The following AKT3 variants were observed in gnomAD, a reference collection of about 807,000 sequenced individuals.
The protein encoded by AKT3 is RAC-gamma serine/threonine-protein kinase.
A neutral mutation model predicts 65.3 loss-of-function variants in AKT3; 15 were observed. That is an observed-to-expected ratio of 0.23 (90% CI 0.15 to 0.35). AKT3 has a LOEUF of 0.35. Ranked by LOEUF, AKT3 falls within the 10% of genes least tolerant of loss-of-function variation. AKT3 has a pLI of 1.00. For synonymous variants in AKT3, 206 were observed against 183.8 expected, an observed-to-expected ratio of 1.12 and a Z score of -0.98; for missense variants, 243 against 576.5, an observed-to-expected ratio of 0.42 and a Z score of 5.92.
At chr1:243,592,694 T>C (rs1676321137) in intron 8 of AKT3, among the ~76,000 whole-genome samples, 1 of 151,988 alleles carries the variant, frequency 6.6e-6, no homozygotes, top group South Asian at 2.1e-4. Context: ...GAACTAGAAA[T>C]TGTTCAAGAA....
chr1:243,686,602 T>C (rs572251228), intron 3 of AKT3, among the ~76,000 whole-genome samples: 3 of 130,222 alleles, frequency 2.3e-5, no homozygotes, highest in Admixed American at 8.6e-5. Context: ...ACTATTTGGA[T>C]AGCATTTTAC....
chr1:243,559,117 T>TA (rs1263170573), intron 10 of AKT3, among the ~76,000 whole-genome samples: 1 of 152,108 alleles, frequency 6.6e-6, no homozygotes, highest in African/African-American at 2.4e-5. Context: ...GGTGTGAAAA[T>TA]ACAGCACAGA....
At chr1:243,615,280 C>A (rs1678210954) in intron 6 of AKT3, 119 bp from the exon 7 acceptor site, 2 of 648,310 alleles carry the variant, frequency 3.1e-6, no homozygotes, top group South Asian at 2.7e-5. Flanking sequence ...TTTTAAAACA[C>A]AGTGGCATGC....
At chr1:243,510,468 G>A (rs2148358549) in intron 13 of AKT3, among the ~76,000 whole-genome samples, 2 of 152,348 alleles carry the variant, frequency 1.3e-5, no homozygotes, top group Admixed American at 1.3e-4. Context: ...GAGAGGGAAT[G>A]TTGTCAGACT....
chr1:243,596,455 A>G (rs1331906325), intron 8 of AKT3, among the ~76,000 whole-genome samples: 1 of 152,216 alleles, frequency 6.6e-6, no homozygotes, highest in African/African-American at 2.4e-5. Flanking sequence ...TCACAAAAGT[A>G]TATGCAATGG....
intron 3 of AKT3, among the ~76,000 whole-genome samples, chr1:243,672,243 G>T (rs1330555179): frequency 1.3e-5 from 2 of 152,202 alleles, no homozygotes; most frequent in African/African-American, 4.8e-5. Context: ...TGAAGGGAAA[G>T]AAAGTGGTAA....
At chr1:243,783,356 T>C (rs1691032567) in intron 2 of AKT3, among the ~76,000 whole-genome samples, 2 of 152,216 alleles carry the variant, frequency 1.3e-5, no homozygotes, top group Non-Finnish European at 2.9e-5. Context: ...ACCATGGGGC[T>C]TGAAGAACTT....
intron 2 of AKT3, among the ~76,000 whole-genome samples, chr1:243,838,642 A>G (rs1005719096): frequency 2.0e-5 from 3 of 152,210 alleles, no homozygotes; most frequent in African/African-American, 4.8e-5. Context: ...CAAGTTCACA[A>G]TCTTTATGTT....
At chr1:243,769,371 T>C (rs1227193979) in intron 2 of AKT3, among the ~76,000 whole-genome samples, 1 of 152,212 alleles carries the variant, frequency 6.6e-6, no homozygotes. Flanking sequence ...TTTTAAGTTT[T>C]TGAGGAACTG....
At chr1:243,568,787 G>A (rs1464704267) in intron 9 of AKT3, among the ~76,000 whole-genome samples, 3 of 152,192 alleles carry the variant, frequency 2.0e-5, no homozygotes, top group Non-Finnish European at 4.4e-5. Context: ...GATGCTTGAA[G>A]CCAGAACTCA....
intron 8 of AKT3, 83 bp downstream of exon 8, chr1:243,613,588 A>G (rs766668963): frequency 1.9e-6 from 2 of 1,062,082 alleles, no homozygotes; most frequent in African/African-American, 3.2e-5. Context: ...GAGAACTGCT[A>G]TATTGTAACT....
At chr1:243,686,630 CATAT>C (rs1553433261) in intron 3 of AKT3, among the ~76,000 whole-genome samples, 379 of 18,856 alleles carry the variant, frequency 0.02, 15 homozygotes, top group African/African-American at 0.04. Context: ...AAATTGTTTT[CATAT>C]ATATATATAT....
chr1:243,695,230 G>A (rs746963799), intron 3 of AKT3, among the ~76,000 whole-genome samples: 46 of 151,882 alleles, frequency 3.0e-4, no homozygotes, highest in Non-Finnish European at 5.7e-4. Flanking sequence ...GATTATGACA[G>A]GAAACTGATT....
At chr1:243,792,733 T>C (rs1691706098) in intron 2 of AKT3, among the ~76,000 whole-genome samples, 1 of 152,218 alleles carries the variant, frequency 6.6e-6, no homozygotes, top group Non-Finnish European at 1.5e-5. Flanking sequence ...CTTATCTCTG[T>C]AGGAAGAAAA....
Position 243,693,283 on chromosome 1 carries a change from T to TAC in AKT3, c.172+2307_172+2308insGT, listed in dbSNP as rs1684838201. On this transcript the variant is annotated intron_variant, in intron 3 of 13. Coordinates refer to ENST00000673466, the MANE Select transcript of AKT3 (RefSeq NM_005465.7). ...ATATATATATATATATATATATATA[T>TAC]ATATATATATAACATTTCCCAACAT... Among the ~76,000 whole-genome samples, 3 of 111,280 alleles carry TAC rather than the reference T, an allele frequency of 2.7e-5. No individual in the cohort carries two copies. In the South Asian group the frequency reaches 9.5e-4, roughly 35 times the overall value. 73.0% of individuals were successfully genotyped at this position (111,280 alleles called of 152,430 possible).
chr1:243,637,777 T>G, intron 5 of AKT3, 35 bp from the exon 6 acceptor site: 1 of 1,392,416 alleles, frequency 7.2e-7, no homozygotes, highest in Non-Finnish European at 9.9e-7. Context: ...TAATATGAAG[T>G]ATTTGATGCA....
chr1:243,514,681 C>T (rs971350929), intron 12 of AKT3, among the ~76,000 whole-genome samples: 17 of 152,156 alleles, frequency 1.1e-4, no homozygotes, highest in Admixed American at 9.8e-4. Flanking sequence ...ACAACTTGGG[C>T]TGGGTGTGGC....
chr1:243,585,393 C>T (rs1451642308), intron 8 of AKT3, among the ~76,000 whole-genome samples: 1 of 151,160 alleles, frequency 6.6e-6, no homozygotes, highest in African/African-American at 2.4e-5. Flanking sequence ...AAAAAAACTA[C>T]AAAATTAACA....
intron 7 of AKT3, 59 bp downstream of exon 7, chr1:243,615,037 C>T: frequency 8.1e-7 from 1 of 1,234,310 alleles, no homozygotes; most frequent in Non-Finnish European, 1.2e-6. Context: ...TAATTTCTAA[C>T]ATAAAATTCC....
Sources: allele counts gnomAD v4.1 joint callset (sites outside exome capture counted in the v4.1 genomes callset), GRCh38; gene constraint gnomAD v4.1.1; transcripts MANE v1.5; gene names NCBI Gene and HGNC (gene_info 2026-07-23, HGNC 2026-07-21).